TBC1D8B: variants seen among roughly 807,000 people sequenced by gnomAD.
TBC1D8B encodes RP11-321G1.1.
A neutral mutation model predicts 82.9 loss-of-function variants in TBC1D8B; 75 were observed. The observed-to-expected ratio is 0.90, with a 90% CI of 0.75 to 1.10. TBC1D8B has a LOEUF of 1.10. Ranked by LOEUF, TBC1D8B falls within the 50% of genes least tolerant of loss-of-function variation. The pLI is 0.00. For missense variants in TBC1D8B, 794 were observed against 796.9 expected, an observed-to-expected ratio of 1.00 and a Z score of 0.04; for synonymous variants, 276 against 276.8, an observed-to-expected ratio of 1.00 and a Z score of 0.03.
chrX:106,868,617 G>C (rs1932828665), intron 18 of TBC1D8B, 141 bp downstream of exon 18: 3 of 329,644 alleles, frequency 9.1e-6, no homozygotes, highest in South Asian at 4.0e-4. Flanking sequence ...CACTTAGCAT[G>C]GTCCATAAAT....
At chrX:106,816,911 G>C (rs1325660309) in intron 1 of TBC1D8B, among the ~76,000 whole-genome samples, 1 of 111,022 alleles carries the variant, frequency 9.0e-6, no homozygotes, top group Admixed American at 9.6e-5. Context: ...AATGTGATAG[G>C]AAGTGATGTG....
At position 106,840,178 on chromosome X, in the gene TBC1D8B, A is replaced by G. The variant is rs1364343635; in HGVS notation, c.1484A>G (p.Glu495Gly). ...VRGIPETLRG[E>G]LWMLFSGAVN... is the part of the protein sequence containing the mutation. ...GGGATTCCAGAAACATTAAGAGGAG[A>G]ACTCTGGATGCTTTTTTCAGGTATT... Residue 495 changes from glutamate to glycine, a missense_variant, in exon 9 of 21, where the codon GAA becomes GGA. Physicochemically the swap from Glu to Gly is moderately conservative, Grantham distance 98 (BLOSUM62 -2). Transcript: ENST00000357242. 8.3e-7 allele frequency: 1 copy of G among 1,206,939 alleles called. No individual in the cohort carries two copies. The highest frequency in any genetic ancestry group is 1.8e-5 in the South Asian group (1 of 55,594).
At chrX:106,805,262 T>C (rs1387098467) in intron 1 of TBC1D8B, among the ~76,000 whole-genome samples, 2 of 106,809 alleles carry the variant, frequency 1.9e-5, no homozygotes, top group South Asian at 4.2e-4. Flanking sequence ...CTAATTTCTT[T>C]TTTTTTTTTT....
At chrX:106,869,153 C>T (rs929371090) in intron 18 of TBC1D8B, among the ~76,000 whole-genome samples, 10 of 111,365 alleles carry the variant, frequency 9.0e-5, no homozygotes, top group East Asian at 2.8e-4. Context: ...ACTCTTCTGA[C>T]GTCCAGTATG....
At chrX:106,856,306 C>T (rs1231880321) in intron 14 of TBC1D8B, among the ~76,000 whole-genome samples, 6 of 110,726 alleles carry the variant, frequency 5.4e-5, no homozygotes, top group African/African-American at 2.0e-4. Flanking sequence ...CTTTCATTAT[C>T]TTTATAATGT....
At chrX:106,820,813 T>A (rs1051981536) in intron 2 of TBC1D8B, 64 bp from the exon 3 acceptor site, 1 of 742,038 alleles carries the variant, frequency 1.3e-6, no homozygotes, top group African/African-American at 2.2e-5. Context: ...TGCTTTTAAA[T>A]AACAAGAGCA....
In TBC1D8B at chrX:106,828,588, C is replaced by T. The variant is rs1193088208; in HGVS notation, c.1203+1251C>T. On this transcript the variant is annotated intron_variant, in intron 7 of 20. Transcript: ENST00000357242. Reference sequence around the variant, plus strand: ...TCCAGCAGCACATCAAAAAGCTTATCCACCATGATCAAGTGGGCTTCATCC... The same window carrying T: ...TCCAGCAGCACATCAAAAAGCTTATTCACCATGATCAAGTGGGCTTCATCC... The T allele has an allele frequency of 4.5e-5, 5 of 110,003 alleles. No individual in the cohort carries two copies. In the Admixed American group the frequency reaches 4.8e-4, roughly 11 times the overall value. The allele number at this position is 110,003 out of a possible 1,213,427, so 9.1% of individuals were successfully genotyped here.
At chrX:106,812,820 T>C (rs1477911115) in intron 1 of TBC1D8B, among the ~76,000 whole-genome samples, 1 of 111,823 alleles carries the variant, frequency 8.9e-6, no homozygotes, top group African/African-American at 3.2e-5. Flanking sequence ...TAGATTCAAA[T>C]GAGGACCTTT....
At chrX:106,822,566 C>T (rs746058445) in intron 4 of TBC1D8B, among the ~76,000 whole-genome samples, 20 of 111,310 alleles carry the variant, frequency 1.8e-4, no homozygotes, top group Admixed American at 1.3e-3. Flanking sequence ...GCCCACATCT[C>T]ACTTTGTAGC....
intron 7 of TBC1D8B, chrX:106,828,210 C>T (rs1162432814): frequency 1.3e-3 from 145 of 112,839 alleles, no homozygotes; most frequent in African/African-American, 4.2e-3. Flanking sequence ...ATAAATTCCT[C>T]GACACATACA....
At chrX:106,815,934 A>T (rs922692883) in intron 1 of TBC1D8B, 1 of 111,585 alleles carries the variant, frequency 9.0e-6, no homozygotes, top group African/African-American at 3.3e-5. Context: ...GCTATCTATG[A>T]CAAACCCACA....
At chrX:106,807,736 A>G (rs1931236443) in intron 1 of TBC1D8B, among the ~76,000 whole-genome samples, 1 of 110,928 alleles carries the variant, frequency 9.0e-6, no homozygotes, top group African/African-American at 3.3e-5. Context: ...GTATTGCCCT[A>G]TGGGATTTTA....
intron 1 of TBC1D8B, chrX:106,814,110 T>C (rs917793424): frequency 9.1e-6 from 1 of 109,767 alleles, no homozygotes; most frequent in Admixed American, 9.8e-5. Context: ...ATGCGGTGTT[T>C]GGTTTTTTGT....
intron 19 of TBC1D8B, among the ~76,000 whole-genome samples, chrX:106,869,866 ATC>A (rs1932836782): frequency 8.9e-6 from 1 of 112,189 alleles, no homozygotes; most frequent in African/African-American, 3.2e-5. Flanking sequence ...ATATGCAGAC[ATC>A]TCTCTTTTTT....
In TBC1D8B at chrX:106,865,952, T is replaced by C. The variant is rs1569456218; in HGVS notation, c.2581T>C (p.Ser861Pro). 1 of 1,208,606 alleles carries C rather than the reference T, an allele frequency of 8.3e-7. No individual in the cohort carries two copies. Among genetic ancestry groups the C allele is most frequent in the Admixed American group, 2.2e-5 (1 of 45,884 alleles). Residue 861 changes from serine (S) to proline (P), a missense_variant, in exon 16 of 21, where the codon TCA becomes CCA. By Grantham distance (74) the Ser-to-Pro change is moderately conservative. Transcript: ENST00000357242. Reference protein sequence around the residue: ...SPWAHSANKDSLALWTFRLLD... With the variant: ...SPWAHSANKDPLALWTFRLLD... The stretch of plus-strand genomic sequence containing the variant: ...CTGGGCTCATTCTGCAAATAAAGAC[T>C]CACTAGCTTTATGGACATTCAGATT...
chrX:106,804,722 G>A (rs1197618332), intron 1 of TBC1D8B, among the ~76,000 whole-genome samples: 1 of 110,189 alleles, frequency 9.1e-6, no homozygotes, highest in Non-Finnish European at 1.9e-5. Context: ...GGACAACATG[G>A]CGAAACCCCA....
rs540771760 is a variant in TBC1D8B, at chrX:106,819,802, A to T, written c.241+1029A>T. Among the ~76,000 whole-genome samples the T allele has an allele frequency of 8.0e-4, 88 of 110,120 alleles. No homozygotes were observed. The South Asian group carries it at 0.029, about 36-fold the overall frequency. The stretch of plus-strand genomic sequence containing the variant: ...CTGGTTAGTAAAAATTATTTTTTTT[A>T]AAAAAAGGCCTTTCTACTTAAATAA... On this transcript the variant is annotated intron_variant, in intron 2 of 20. Coordinates refer to ENST00000357242, the MANE Select transcript of TBC1D8B (RefSeq NM_017752.3).
In TBC1D8B at chrX:106,821,993, A is replaced by G. The variant is rs1230350446; in HGVS notation, c.377A>G (p.Glu126Gly). The stretch of plus-strand genomic sequence containing the variant: ...CTCCTTTAGGGATTAATTGCTGAAG[A>G]GGGAAAACATTGTTTTGCAAAAGAA... The part of the protein sequence containing the change: ...QGKIRGLIAE[E>G]GKHCFAKEDD... Residue 126 changes from glutamate (E) to glycine (G), a missense_variant, in exon 4 of 21, where the codon GAG becomes GGG. Physicochemically the swap from Glu to Gly is moderately conservative, Grantham distance 98. Transcript: ENST00000357242. 5.0e-6 allele frequency: 6 copies of G among 1,209,439 alleles called. No individual in the cohort carries two copies. The highest frequency in any genetic ancestry group is 5.6e-6 in the Non-Finnish European group (5 of 894,034).
intron 7 of TBC1D8B, among the ~76,000 whole-genome samples, chrX:106,836,032 G>A (rs189683790): frequency 2.8e-3 from 308 of 111,686 alleles, no homozygotes; most frequent in African/African-American, 8.2e-3. Flanking sequence ...TTACAGCAGC[G>A]CCCCACTACC....
Sources: allele counts gnomAD v4.1 joint callset (sites outside exome capture counted in the v4.1 genomes callset), GRCh38; gene constraint gnomAD v4.1.1; transcripts MANE v1.5; gene names NCBI Gene and HGNC (gene_info 2026-07-23, HGNC 2026-07-21).